DHTKD1: variants seen among roughly 807,000 people sequenced by gnomAD.
DHTKD1 encodes the protein 2-oxoadipate dehydrogenase complex component E1.
A neutral mutation model predicts 101.8 loss-of-function variants in DHTKD1; 78 were observed. That is an observed-to-expected ratio of 0.77 (90% CI 0.64 to 0.93). The LOEUF (loss-of-function observed/expected upper bound fraction) is 0.93. Ranked by LOEUF, DHTKD1 falls within the 40% of genes least tolerant of loss-of-function variation. The pLI is 0.00. For synonymous variants in DHTKD1, 462 were observed against 450.3 expected, an observed-to-expected ratio of 1.03 and a Z score of -0.33; for missense variants, 1,223 against 1,161.7, an observed-to-expected ratio of 1.05 and a Z score of -0.77.
At chr10:12,114,477 A>C (rs1833383447) in intron 13 of DHTKD1, among the ~76,000 whole-genome samples, 1 of 151,640 alleles carries the variant, frequency 6.6e-6, no homozygotes, top group South Asian at 2.1e-4. Flanking sequence ...TTGTATTTTT[A>C]GTAGAGATGG....
Position 12,100,208 on chromosome 10 carries a change from A to C in DHTKD1, c.1702A>C (p.Lys568Gln), listed in dbSNP as rs767709898. 3.8e-6 allele frequency: 6 copies of C among 1,597,048 alleles called. No individual in the cohort carries two copies. In the East Asian group the frequency reaches 1.4e-4, roughly 36 times the overall value. Residue 568 changes from lysine (K) to glutamine (Q), a missense_variant, in exon 9 of 17, where the codon AAG becomes CAG. Transcript: ENST00000263035. ...SRMEKMMDGI[K>Q]LDWATAEALA... ...AATGGAGAAGATGATGGACGGAATC[A>C]AGCTAGACTGGGCCACCGCGGAAGC...
chr10:12,089,570 A>G (rs1832956351), intron 5 of DHTKD1, among the ~76,000 whole-genome samples: 1 of 152,032 alleles, frequency 6.6e-6, no homozygotes, highest in East Asian at 1.9e-4. Flanking sequence ...CCTTCTTGGA[A>G]ACTTTGTGGT....
intron 7 of DHTKD1, among the ~76,000 whole-genome samples, chr10:12,095,705 C>T (rs1222432523): frequency 4.1e-5 from 6 of 148,146 alleles, no homozygotes; most frequent in Non-Finnish European, 6.0e-5. Flanking sequence ...CCCAGCTACT[C>T]GGGAGGCTGA....
chr10:12,118,749 G>C lies in DHTKD1; in HGVS notation c.2403G>C (p.Lys801Asn), dbSNP rs760356390. ...CTATTGTTCCTTTTCTGTCCAACAGGGTTAAGACCCTCGTGTTCTGCTCCG... is the reference window on the plus strand; with the variant it reads ...CTATTGTTCCTTTTCTGTCCAACAGCGTTAAGACCCTCGTGTTCTGCTCCG... Reference protein sequence around the residue: ...VIGDSSVDPKKVKTLVFCSGK... With the variant: ...VIGDSSVDPKNVKTLVFCSGK... Residue 801 changes from lysine to asparagine, a missense_variant and splice_region_variant, in exon 15 of 17, where the codon AAG (lysine) becomes AAC (asparagine). Physicochemically the swap from Lys to Asn is moderately conservative, Grantham distance 94 (BLOSUM62 0). Transcript: ENST00000263035. 6.4e-7 allele frequency: 1 copy of C among 1,554,846 alleles called. No homozygotes were observed. Among genetic ancestry groups the C allele is most frequent in the Non-Finnish European group, 8.7e-7 (1 of 1,152,576 alleles).
At position 12,119,477 on chromosome 10, in the gene DHTKD1, G is replaced by C. The variant is rs190763083; in HGVS notation, c.2572+559G>C. ...GAAAATACAAAAAAATTAGCCGGGC[G>C]TGGTGGCGGGCGCCTGTAGTCCCAG... On this transcript the variant is annotated intron_variant, in intron 15 of 16. Transcript: ENST00000263035. Among the ~76,000 whole-genome samples the C allele has an allele frequency of 1.9e-3, 293 of 151,138 alleles. 2 individuals carry two copies. Among genetic ancestry groups the C allele is most frequent in the African/African-American group, 6.8e-3 (282 of 41,192 alleles).
Position 12,106,416 on chromosome 10 carries a change from G to T in DHTKD1, c.2047+20G>T. 1 of 1,612,862 alleles carries T rather than the reference G, an allele frequency of 6.2e-7. No individual in the cohort carries two copies. The highest frequency in any genetic ancestry group is 8.5e-7 in the Non-Finnish European group (1 of 1,178,954). On this transcript the variant is annotated intron_variant, in intron 11 of 16. Transcript: ENST00000263035. ...CTGGAGGTTGGTGTCAGCGTATAGG[G>T]TGGGTACAGGTGGGGGTCCCTGCGT...
chr10:12,100,106 T>A, intron 8 of DHTKD1, 72 bp from the exon 9 acceptor site: 1 of 906,538 alleles, frequency 1.1e-6, no homozygotes, highest in South Asian at 1.6e-5. Flanking sequence ...TGCATTAAAT[T>A]TTTTGTACTC....
At position 12,103,525 on chromosome 10, in the gene DHTKD1, G is replaced by A. The variant is rs866303905; in HGVS notation, c.1896+2344G>A. ...TGTGTGTGTGTGTGTGTGTGTGTGT[G>A]TGTATGTATGTGACAGGTCCTCCTC... On this transcript the variant is annotated intron_variant, in intron 10 of 16. Coordinates refer to ENST00000263035, the MANE Select transcript of DHTKD1 (RefSeq NM_018706.7). The surrounding 1 kb of genome is among the most constrained non-coding windows in gnomAD (Gnocchi z 4.8). 6.9e-3 allele frequency among the ~76,000 whole-genome samples: 885 copies of A among 127,804 alleles called. 7 individuals are homozygous for A. The highest frequency in any genetic ancestry group is 0.022 in the African/African-American group (828 of 37,306). 83.8% of individuals were successfully genotyped at this position (127,804 alleles called of 152,430 possible).
chr10:12,091,195 G>T (rs1055351661), intron 5 of DHTKD1, among the ~76,000 whole-genome samples: 1 of 152,072 alleles, frequency 6.6e-6, no homozygotes, highest in African/African-American at 2.4e-5. Flanking sequence ...TGGATCACCT[G>T]AGGTCAGAAG....
intron 2 of DHTKD1, among the ~76,000 whole-genome samples, chr10:12,083,055 G>A (rs10906068): frequency 0.48 from 72,410 of 151,560 alleles, 19,358 homozygotes; most frequent in South Asian, 0.72. Flanking sequence ...GCAAAAAAAA[G>A]GAGCATCTAA....
chr10:12,084,399 C>G, intron 2 of DHTKD1, 141 bp from the exon 3 acceptor site: 1 of 584,274 alleles, frequency 1.7e-6, no homozygotes, highest in Non-Finnish European at 3.0e-6. Flanking sequence ...TATAACAAAA[C>G]AATGCCTTCA....
rs1335337192 is a variant in DHTKD1 at position 12,110,658 on chromosome 10, T to TAA, written c.2155-2239_2155-2238dup. ...CACCATTTTTGGGGAAGAGAACATT[T>TAA]AAAATCTATCCTCTTAGTAATTTTC... On this transcript the variant is annotated intron_variant, in intron 12 of 16. Transcript: ENST00000263035. The surrounding 1 kb of genome is among the most constrained non-coding windows in gnomAD (Gnocchi z 4.9). 6.6e-6 allele frequency among the ~76,000 whole-genome samples: 1 copy of TAA among 152,150 alleles called. No homozygotes were observed. The highest frequency in any genetic ancestry group is 1.5e-5 in the Non-Finnish European group (1 of 68,022).
chr10:12,106,157 C>T (rs1024825676), intron 10 of DHTKD1, 89 bp from the exon 11 acceptor site: 33 of 1,372,992 alleles, frequency 2.4e-5, no homozygotes, highest in Non-Finnish European at 2.9e-5. Context: ...GCTCCCTCTC[C>T]GCACCACCTC....
chr10:12,091,172 A>T (rs554061571), intron 5 of DHTKD1, among the ~76,000 whole-genome samples: 15 of 152,234 alleles, frequency 9.9e-5, no homozygotes, highest in African/African-American at 3.1e-4. Context: ...GCACTTTGGG[A>T]GGCCAAGGAG....
At position 12,099,793 on chromosome 10, in the gene DHTKD1, C is replaced by CTTTTTTTTTTTTTTTTTTTTTTTTTTTT. The variant is rs55758504; in HGVS notation, c.1672-364_1672-363insTTTTTTTTTTTTTTTTTTTTTTTTTTTT. Among the ~76,000 whole-genome samples the CTTTTTTTTTTTTTTTTTTTTTTTTTTTT allele has an allele frequency of 2.1e-5, 2 of 96,188 alleles. 1 individual carries two copies. Among genetic ancestry groups the CTTTTTTTTTTTTTTTTTTTTTTTTTTTT allele is most frequent in the Non-Finnish European group, 4.3e-5 (2 of 46,820 alleles). The allele number at this position is 96,188 out of a possible 152,430, so 63.1% of individuals were successfully genotyped here. On this transcript the variant is annotated intron_variant, in intron 8 of 16. Coordinates refer to ENST00000263035, the MANE Select transcript of DHTKD1 (RefSeq NM_018706.7). ...TTGTTTTTGATGCTTAATTTCGTTG[C>CTTTTTTTTTTTTTTTTTTTTTTTTTTTT]TTTTTTTTTTTTTTTTTTTTTGAGA...
At chr10:12,098,784 T>C (rs1833112528) in intron 8 of DHTKD1, among the ~76,000 whole-genome samples, 1 of 152,172 alleles carries the variant, frequency 6.6e-6, no homozygotes, top group Non-Finnish European at 1.5e-5. Flanking sequence ...AGGTTGGTCT[T>C]GAACTCCTGA....
intron 1 of DHTKD1, among the ~76,000 whole-genome samples, chr10:12,070,477 A>G (rs1055940480): frequency 3.3e-5 from 5 of 152,022 alleles, no homozygotes; most frequent in African/African-American, 1.2e-4. Context: ...TAAACCTCAT[A>G]TCTCTGTCTC....
Position 12,100,317 on chromosome 10 carries a change from G to A in DHTKD1, c.1756+55G>A, listed in dbSNP as rs1273719376. On this transcript the variant is annotated intron_variant, in intron 9 of 16. Coordinates refer to ENST00000263035, the MANE Select transcript of DHTKD1 (RefSeq NM_018706.7). ...TTTTTTTTTTGAGTCTCACCCTGTC[G>A]CCCAGGCTGGAATGCAGTGGTGCGA... The A allele has an allele frequency of 5.9e-5, 15 of 255,408 alleles. No individual in the cohort carries two copies. In the East Asian group the frequency reaches 6.7e-4, roughly 11 times the overall value. 15.8% of individuals were successfully genotyped at this position (255,408 alleles called of 1,614,324 possible). A position where few individuals can be genotyped will look rare whatever the true frequency, so the allele number is the denominator to read the frequency against.
intron 6 of DHTKD1, among the ~76,000 whole-genome samples, chr10:12,093,003 T>C (rs1187078043): frequency 1.3e-5 from 2 of 151,480 alleles, no homozygotes; most frequent in Non-Finnish European, 2.9e-5. Context: ...TCAGCCTCCT[T>C]AGTAGCTGCG....
Sources: allele counts gnomAD v4.1 joint callset (sites outside exome capture counted in the v4.1 genomes callset), GRCh38; gene constraint gnomAD v4.1.1; non-coding constraint Gnocchi (gnomAD v3.1); transcripts MANE v1.5; gene names NCBI Gene and HGNC (gene_info 2026-07-23, HGNC 2026-07-21).